CLYBL: variants seen among roughly 807,000 people sequenced by gnomAD.
CLYBL encodes citramalyl-CoA lyase, mitochondrial.
In CLYBL, 31 loss-of-function variants were observed where a neutral mutation model predicts 38.9. The observed-to-expected ratio is 0.80, with a 90% CI of 0.60 to 1.08. The LOEUF is 1.08. Among genes scored for constraint, CLYBL ranks in the 50% least tolerant of loss-of-function variants. CLYBL has a pLI of 0.00. For synonymous variants in CLYBL, 171 were observed against 158.6 expected (o/e 1.08, Z -0.59); for missense variants, 434 against 411.6 (o/e 1.05, Z -0.47).
chr13:99,625,648 A>G (rs2046859139), intron 1 of CLYBL, among the ~76,000 whole-genome samples: 1 of 152,264 alleles, frequency 6.6e-6, no homozygotes, highest in Non-Finnish European at 1.5e-5. Context: ...TGTATTACAT[A>G]GGTAAATGGA....
Position 99,804,282 on chromosome 13 carries a change from G to T in CLYBL, c.249+31272G>T, listed in dbSNP as rs147328157. Among the ~76,000 whole-genome samples the T allele has an allele frequency of 7.1e-3, 1,077 of 152,332 alleles. 9 individuals are homozygous for T. Among genetic ancestry groups the T allele is most frequent in the Non-Finnish European group, 0.012 (802 of 68,026 alleles). On this transcript the variant is annotated intron_variant, in intron 2 of 8. Transcript: ENST00000339105. ...CATGGCCCCCAAGGGCTCTTGCAAA[G>T]ATCTGGATTTGACATTAAACTGTTC...
intron 1 of CLYBL, among the ~76,000 whole-genome samples, chr13:99,608,847 C>CTTTTTTTTTTTTTTTTTTTTTTTTTT (rs57961216): frequency 2.3e-5 from 2 of 87,886 alleles, no homozygotes; most frequent in East Asian, 6.2e-4. Context: ...AGTGATGAGT[C>CTTTTTTTTTTTTTTTTTTTTTTTTTT]TTTTTTTTTT....
intron 8 of CLYBL, among the ~76,000 whole-genome samples, chr13:99,902,860 T>C (rs562611687): frequency 1.3e-5 from 2 of 152,376 alleles, no homozygotes; most frequent in South Asian, 4.1e-4. Flanking sequence ...AATTTAATTA[T>C]TGTATTTTGT....
intron 1 of CLYBL, among the ~76,000 whole-genome samples, chr13:99,704,243 GGAAA>G (rs2048113012): frequency 6.6e-6 from 1 of 152,114 alleles, no homozygotes; most frequent in African/African-American, 2.4e-5. Flanking sequence ...AAAGAGTAAG[GGAAA>G]GATTTATTTA....
In CLYBL at chr13:99,866,411, T is replaced by C. The variant is rs1453955458; in HGVS notation, c.802+4T>C. 2.5e-6 allele frequency: 4 copies of C among 1,604,318 alleles called. No individual in the cohort carries two copies. The highest frequency in any genetic ancestry group is 1.3e-5 in the African/African-American group (1 of 74,114). ...GGAGCCGCCATGGGCTTCACTGGTA[T>C]GATTCCTGTCTTAGAAAGCAGTGTC... On this transcript the variant is annotated splice_donor_region_variant and intron_variant, in intron 6 of 8. Transcript: ENST00000339105.
intron 1 of CLYBL, among the ~76,000 whole-genome samples, chr13:99,619,340 G>A (rs767091226): frequency 2.6e-5 from 4 of 152,210 alleles, no homozygotes; most frequent in Non-Finnish European, 5.9e-5. Context: ...GCAGCCCTCT[G>A]TAGACACCAA....
intron 7 of CLYBL, among the ~76,000 whole-genome samples, chr13:99,888,837 T>C (rs1243425972): frequency 6.6e-6 from 1 of 152,252 alleles, no homozygotes; most frequent in East Asian, 1.9e-4. Context: ...ATGAACTGCA[T>C]TTTTCTAAAT....
chr13:99,615,001 G>GA (rs1319706654), intron 1 of CLYBL, among the ~76,000 whole-genome samples: 2 of 152,202 alleles, frequency 1.3e-5, no homozygotes, highest in African/African-American at 2.4e-5. Context: ...CATTCGTCTA[G>GA]AAATATTTCA....
chr13:99,862,873 C>T (rs117492847), intron 3 of CLYBL, 118 bp from the exon 4 acceptor site: 10 of 446,840 alleles, frequency 2.2e-5, no homozygotes, highest in East Asian at 7.0e-5. Flanking sequence ...TTTGTGTGGA[C>T]GAAAGAGGCT....
At chr13:99,886,081 G>GTGAT (rs1406616992) in intron 7 of CLYBL, among the ~76,000 whole-genome samples, 1 of 152,176 alleles carries the variant, frequency 6.6e-6, no homozygotes, top group Admixed American at 6.5e-5. Context: ...CCCAAAAAAG[G>GTGAT]ACTCTAGCCG....
At position 99,883,807 on chromosome 13, in the gene CLYBL, C is replaced by T. The variant is rs557423105; in HGVS notation, c.928-7511C>T. On this transcript the variant is annotated intron_variant, in intron 7 of 8. Transcript: ENST00000339105. ...AGTCCCCACGCCCCTCTCCTGTCTC[C>T]TGGCATCCCTGACCTTCTAAAGCTG... 5.3e-5 allele frequency among the ~76,000 whole-genome samples: 8 copies of T among 152,306 alleles called. No homozygotes were observed. The South Asian group carries it at 1.7e-3, about 32-fold the overall frequency.
At chr13:99,739,668 A>G (rs2048719354) in intron 1 of CLYBL, among the ~76,000 whole-genome samples, 1 of 152,244 alleles carries the variant, frequency 6.6e-6, no homozygotes, top group Non-Finnish European at 1.5e-5. Flanking sequence ...TCTAATTTCC[A>G]TGCCCTAGAA....
intron 2 of CLYBL, among the ~76,000 whole-genome samples, chr13:99,794,607 T>TATTATTATTATTATTA (rs1566329958): frequency 2.7e-5 from 4 of 150,120 alleles, no homozygotes; most frequent in Non-Finnish European, 4.4e-5. Context: ...TTATTATTAT[T>TATTATTATTATTATTA]TTGAGATGGA....
chr13:99,779,427 A>G (rs1258162150), intron 2 of CLYBL, among the ~76,000 whole-genome samples: 1 of 152,202 alleles, frequency 6.6e-6, no homozygotes, highest in East Asian at 1.9e-4. Flanking sequence ...GGCGCGAGCC[A>G]CCGTGCCTGG....
At chr13:99,877,160 A>G (rs902059709) in intron 7 of CLYBL, among the ~76,000 whole-genome samples, 1 of 152,210 alleles carries the variant, frequency 6.6e-6, no homozygotes, top group African/African-American at 2.4e-5. Flanking sequence ...TCCAAAGCCC[A>G]GTGTCATCTC....
chr13:99,724,388 C>T (rs913380702), intron 1 of CLYBL, among the ~76,000 whole-genome samples: 3 of 152,142 alleles, frequency 2.0e-5, no homozygotes, highest in African/African-American at 7.2e-5. Flanking sequence ...TAAACCGAAG[C>T]GTGGAATCAA....
At chr13:99,632,601 C>A (rs779039491) in intron 1 of CLYBL, among the ~76,000 whole-genome samples, 10 of 152,096 alleles carry the variant, frequency 6.6e-5, no homozygotes, top group Non-Finnish European at 1.3e-4. Context: ...AAAAATTAGC[C>A]AGGTGTGCTG....
chr13:99,688,331 A>T (rs989930281), intron 1 of CLYBL, among the ~76,000 whole-genome samples: 1 of 152,140 alleles, frequency 6.6e-6, no homozygotes, highest in Admixed American at 6.5e-5. Flanking sequence ...GGAGCGATTA[A>T]AAGTGAGAAA....
intron 1 of CLYBL, among the ~76,000 whole-genome samples, chr13:99,644,168 T>C (rs1475479566): frequency 6.7e-6 from 1 of 149,760 alleles, no homozygotes; most frequent in East Asian, 2.0e-4. Context: ...ATATGTGGTG[T>C]ATGTATGTAC....
Sources: allele counts gnomAD v4.1 joint callset (sites outside exome capture counted in the v4.1 genomes callset), GRCh38; gene constraint gnomAD v4.1.1; transcripts MANE v1.5; gene names NCBI Gene and HGNC (gene_info 2026-07-23, HGNC 2026-07-21).